MINDY4: variants seen among roughly 807,000 people sequenced by gnomAD.
The protein encoded by MINDY4 is probable ubiquitin carboxyl-terminal hydrolase MINDY-4.
MINDY4 carries 68 observed loss-of-function variants against 87.0 expected under a neutral mutation model. That is an observed-to-expected ratio of 0.78 (90% CI 0.64 to 0.96). MINDY4 has a LOEUF of 0.96. Ranked by LOEUF, MINDY4 falls within the 40% of genes least tolerant of loss-of-function variation. MINDY4 has a pLI of 0.00. For missense variants in MINDY4, 919 were observed against 928.2 expected, an observed-to-expected ratio of 0.99 and a Z score of 0.13; for synonymous variants, 379 against 363.2, an observed-to-expected ratio of 1.04 and a Z score of -0.50.
chr7:30,838,903 T>C (rs766384009), intron 7 of MINDY4, among the ~76,000 whole-genome samples: 15 of 152,214 alleles, frequency 9.9e-5, no homozygotes, highest in Non-Finnish European at 1.8e-4. Context: ...CCCTTGCAAA[T>C]CTAAAATTTT....
chr7:30,882,898 TG>T, intron 16 of MINDY4, 22 bp from the exon 17 acceptor site: 3 of 1,612,486 alleles, frequency 1.9e-6, no homozygotes, highest in Non-Finnish European at 1.7e-6. Context: ...GTGACATGTG[TG>T]TGCCTCTCTC....
At chr7:30,879,656 G>C (rs1021669284) in intron 15 of MINDY4, among the ~76,000 whole-genome samples, 11 of 152,212 alleles carry the variant, frequency 7.2e-5, no homozygotes, top group African/African-American at 2.6e-4. Context: ...CCCTGTTATC[G>C]TTTTGACTTA....
At position 30,795,608 on chromosome 7, in the gene MINDY4, C is replaced by T. The variant is rs1359540061; in HGVS notation, c.1073+4034C>T. On this transcript the variant is annotated intron_variant, in intron 5 of 17. Coordinates refer to ENST00000265299, the MANE Select transcript of MINDY4 (RefSeq NM_032222.3). ...AGAGGGGTGCATGTGTTTCCTGTTGCTGGTGTAGCATTACCATAAGCTTAG... is the reference window on the plus strand; with the variant it reads ...AGAGGGGTGCATGTGTTTCCTGTTGTTGGTGTAGCATTACCATAAGCTTAG... Among the ~76,000 whole-genome samples, 3 of 152,186 alleles carry T rather than the reference C, an allele frequency of 2.0e-5. No individual in the cohort carries two copies. The East Asian group carries it at 5.8e-4, about 29-fold the overall frequency.
intron 13 of MINDY4, among the ~76,000 whole-genome samples, chr7:30,859,555 A>C (rs1292122040): frequency 1.3e-5 from 2 of 152,208 alleles, no homozygotes; most frequent in East Asian, 1.9e-4. Context: ...GGACAACCTG[A>C]AAGACACGCC....
intron 13 of MINDY4, among the ~76,000 whole-genome samples, chr7:30,861,810 C>T (rs78193206): frequency 0.013 from 1,973 of 152,318 alleles, 20 homozygotes; most frequent in East Asian, 0.03. Flanking sequence ...TGGTGGAGGC[C>T]GTGCTGCCAT....
At chr7:30,819,099 C>G (rs1286963948) in intron 5 of MINDY4, among the ~76,000 whole-genome samples, 5 of 152,100 alleles carry the variant, frequency 3.3e-5, no homozygotes, top group African/African-American at 9.7e-5. Flanking sequence ...TTCCTACTCT[C>G]TTTTGGTCTA....
chr7:30,882,146 G>A (rs1167165654), intron 15 of MINDY4, 35 bp from the exon 16 acceptor site: 1 of 1,565,422 alleles, frequency 6.4e-7, no homozygotes, highest in Admixed American at 1.8e-5. Context: ...TTTCCCTGGG[G>A]ACGGCATTTC....
At chr7:30,887,949 C>T (rs1001471357) in intron 17 of MINDY4, among the ~76,000 whole-genome samples, 7 of 152,168 alleles carry the variant, frequency 4.6e-5, no homozygotes, top group Admixed American at 2.0e-4. Flanking sequence ...AGCACGGGAA[C>T]GGAAACTTTC....
intron 17 of MINDY4, among the ~76,000 whole-genome samples, chr7:30,891,087 G>C (rs556293353): frequency 6.6e-6 from 1 of 152,246 alleles, no homozygotes; most frequent in East Asian, 1.9e-4. Flanking sequence ...ACTTTGAAAA[G>C]CATTTATGAA....
intron 8 of MINDY4, 124 bp downstream of exon 8, chr7:30,839,440 C>G (rs1201839622): frequency 6.8e-6 from 4 of 585,870 alleles, no homozygotes; most frequent in Admixed American, 3.0e-5. Context: ...CAGCCAGCCC[C>G]ACATGTGCTG....
chr7:30,784,306 G>A (rs1489790037), intron 3 of MINDY4, among the ~76,000 whole-genome samples: 3 of 152,186 alleles, frequency 2.0e-5, no homozygotes, highest in East Asian at 1.9e-4. Flanking sequence ...CGCCTCGTCC[G>A]TCATCTTCTG....
chr7:30,890,226 A>G (rs1790757375), intron 17 of MINDY4, among the ~76,000 whole-genome samples: 1 of 152,260 alleles, frequency 6.6e-6, no homozygotes, highest in South Asian at 2.1e-4. Flanking sequence ...ACAAGAAGGT[A>G]CAATTCAGCG....
intron 11 of MINDY4, 116 bp from the exon 12 acceptor site, chr7:30,853,278 A>G (rs1219663428): frequency 2.4e-5 from 19 of 791,124 alleles, no homozygotes; most frequent in Non-Finnish European, 3.9e-5. Context: ...TCTCTGACGC[A>G]GGGACATTCC....
intron 5 of MINDY4, among the ~76,000 whole-genome samples, chr7:30,822,627 T>TTTTTTTTATTTATTTATTTATTTA (rs1554280714): frequency 6.9e-6 from 1 of 145,654 alleles, no homozygotes; most frequent in African/African-American, 2.7e-5. Flanking sequence ...TGCCTGTCTA[T>TTTTTTTTATTTATTTATTTATTTA]TTTATTTATT....
chr7:30,850,417 C>T (rs561530847), intron 9 of MINDY4, 37 bp from the exon 10 acceptor site: 4 of 1,569,516 alleles, frequency 2.5e-6, no homozygotes, highest in South Asian at 2.3e-5. Flanking sequence ...ACCTTGTGTC[C>T]ACATGGGCAT....
chr7:30,870,107 A>G lies in MINDY4; in HGVS notation c.1746-2136A>G, dbSNP rs1349328659. Among the ~76,000 whole-genome samples the G allele has an allele frequency of 2.0e-5, 3 of 152,308 alleles. 1 individual carries two copies. The highest frequency in any genetic ancestry group is 4.1e-4 in the South Asian group (2 of 4,826). On this transcript the variant is annotated intron_variant, in intron 13 of 17. Coordinates refer to ENST00000265299, the MANE Select transcript of MINDY4 (RefSeq NM_032222.3). ...TTCCTCCCTTTTAAGATCTCAGTGC[A>G]CTGCTGAATTTCCCATCGTGTTTGC...
intron 5 of MINDY4, among the ~76,000 whole-genome samples, chr7:30,814,677 T>TA (rs1788097547): frequency 6.6e-6 from 1 of 152,212 alleles, no homozygotes; most frequent in Non-Finnish European, 1.5e-5. Context: ...TTAACACCCT[T>TA]AGAAGGTCAT....
At chr7:30,794,538 C>A (rs1039974277) in intron 5 of MINDY4, among the ~76,000 whole-genome samples, 3 of 152,166 alleles carry the variant, frequency 2.0e-5, no homozygotes, top group African/African-American at 7.2e-5. Context: ...AGGATGCAAC[C>A]TGCTGAGATG....
intron 10 of MINDY4, 52 bp from the exon 11 acceptor site, chr7:30,852,164 G>C: frequency 6.2e-7 from 1 of 1,610,146 alleles, no homozygotes; most frequent in South Asian, 1.1e-5. Flanking sequence ...CCGGCTGGAG[G>C]GCACGCCTTC....
Sources: allele counts gnomAD v4.1 joint callset (sites outside exome capture counted in the v4.1 genomes callset), GRCh38; gene constraint gnomAD v4.1.1; transcripts MANE v1.5; gene names NCBI Gene and HGNC (gene_info 2026-07-23, HGNC 2026-07-21).